Variants in FHIT observed in about 807,000 individuals in gnomAD.
FHIT encodes the protein bis(5'-adenosyl)-triphosphatase.
FHIT carries 19 observed loss-of-function variants against 17.9 expected under a neutral mutation model. That is an observed-to-expected ratio of 1.06 (90% CI 0.74 to 1.56). The LOEUF (loss-of-function observed/expected upper bound fraction) is 1.56. Among genes scored for constraint, FHIT ranks in the 40% most tolerant of loss-of-function variants. The pLI, the probability that FHIT is intolerant of heterozygous loss-of-function variation, is 0.00. For synonymous variants in FHIT, 81 were observed against 69.7 expected (o/e 1.16, Z -0.81); for missense variants, 248 against 189.2 (o/e 1.31, Z -1.82).
chr3:61,068,187 G>T lies in FHIT; in HGVS notation c.-163-26088C>A, dbSNP rs578167519. On this transcript the variant is annotated intron_variant, in intron 2 of 9. Transcript: ENST00000492590. ...AAATTCATTATCTTACTATTCTGTG[G>T]GTCAGAAGTCTGACACAACTCGCAC... 7.4e-4 allele frequency among the ~76,000 whole-genome samples: 112 copies of T among 152,228 alleles called. 3 individuals carry two copies. The South Asian group carries it at 0.023, about 31-fold the overall frequency.
intron 4 of FHIT, among the ~76,000 whole-genome samples, chr3:60,595,687 T>C (rs1395886589): frequency 6.6e-6 from 1 of 151,898 alleles, no homozygotes; most frequent in Non-Finnish European, 1.5e-5. Flanking sequence ...GTGTCACTCC[T>C]GTTGCCAGTG....
At chr3:60,472,528 C>T (rs1056880861) in intron 5 of FHIT, among the ~76,000 whole-genome samples, 5 of 152,038 alleles carry the variant, frequency 3.3e-5, no homozygotes, top group Admixed American at 6.5e-5. Context: ...GCCACCTCGC[C>T]GGGCTAATTT....
chr3:60,113,772 C>T (rs767250593), intron 5 of FHIT, among the ~76,000 whole-genome samples: 7 of 150,284 alleles, frequency 4.7e-5, no homozygotes, highest in Non-Finnish European at 5.9e-5. Flanking sequence ...GAGGCCGAGG[C>T]GAGCGGATCA....
chr3:60,838,121 G>C (rs551374291), intron 3 of FHIT, among the ~76,000 whole-genome samples: 4 of 152,110 alleles, frequency 2.6e-5, no homozygotes, highest in African/African-American at 9.6e-5. Flanking sequence ...TTCTTTCGAG[G>C]CAGAGTCTCA....
At chr3:61,131,673 A>C (rs1044364474) in intron 2 of FHIT, among the ~76,000 whole-genome samples, 1 of 152,232 alleles carries the variant, frequency 6.6e-6, no homozygotes, top group East Asian at 1.9e-4. Context: ...ACAGACCAGA[A>C]CATGAGCCCA....
intron 4 of FHIT, among the ~76,000 whole-genome samples, chr3:60,809,996 G>A (rs1553735603): frequency 6.6e-6 from 1 of 152,166 alleles, no homozygotes; most frequent in East Asian, 1.9e-4. Flanking sequence ...GGGCATTTCT[G>A]TCAGAAAGGA....
intron 4 of FHIT, among the ~76,000 whole-genome samples, chr3:60,715,104 A>G (rs2041647413): frequency 6.6e-6 from 1 of 152,146 alleles, no homozygotes; most frequent in South Asian, 2.1e-4. Flanking sequence ...TCAATGGAAC[A>G]GAACAGAGCC....
At chr3:60,924,600 G>C (rs868961158) in intron 3 of FHIT, among the ~76,000 whole-genome samples, 1 of 152,114 alleles carries the variant, frequency 6.6e-6, no homozygotes, top group African/African-American at 2.4e-5. Flanking sequence ...AAACCACAAA[G>C]ATGGGGAAAA....
chr3:60,426,067 T>G (rs1171542351), intron 5 of FHIT, among the ~76,000 whole-genome samples: 1 of 152,168 alleles, frequency 6.6e-6, no homozygotes, highest in Admixed American at 6.5e-5. Flanking sequence ...GCATTTGTAT[T>G]AATGCAATGG....
At chr3:60,118,773 G>A (rs1705100879) in intron 5 of FHIT, among the ~76,000 whole-genome samples, 1 of 106,564 alleles carries the variant, frequency 9.4e-6, no homozygotes, top group South Asian at 4.5e-4. Flanking sequence ...GGTGGGGGCG[G>A]CGGGGGGGGG....
intron 5 of FHIT, among the ~76,000 whole-genome samples, chr3:60,185,362 A>T (rs184727754): frequency 6.6e-5 from 10 of 152,302 alleles, no homozygotes; most frequent in Non-Finnish European, 1.3e-4. Flanking sequence ...AAGTTAATAA[A>T]GTTGCATCAT....
chr3:60,574,190 C>G lies in FHIT; in HGVS notation c.-17-37211G>C, dbSNP rs919612792. On this transcript the variant is annotated intron_variant, in intron 4 of 9. Transcript: ENST00000492590. ...AGCAGCTATGGGAGCTACAAAGAGC[C>G]AGGAGTTTGGAAGCTTTTCAAGACA... Among the ~76,000 whole-genome samples the G allele has an allele frequency of 6.6e-5, 10 of 152,056 alleles. 1 individual carries two copies. Among genetic ancestry groups the G allele is most frequent in the Admixed American group, 5.9e-4 (9 of 15,260 alleles).
At chr3:60,961,703 T>G (rs1709455590) in intron 3 of FHIT, among the ~76,000 whole-genome samples, 1 of 152,196 alleles carries the variant, frequency 6.6e-6, no homozygotes, top group African/African-American at 2.4e-5. Context: ...CCCCATTTCT[T>G]GTGTTTGTCA....
chr3:61,223,615 A>C (rs1393410314), intron 1 of FHIT, among the ~76,000 whole-genome samples: 4 of 152,242 alleles, frequency 2.6e-5, no homozygotes, highest in Non-Finnish European at 5.9e-5. Context: ...AGTACACAAG[A>C]GTTGGAACTG....
intron 4 of FHIT, among the ~76,000 whole-genome samples, chr3:60,562,033 C>T (rs1032018151): frequency 2.6e-5 from 4 of 152,022 alleles, no homozygotes; most frequent in Admixed American, 6.6e-5. Flanking sequence ...AGTTATTACC[C>T]GAAAACATGC....
intron 5 of FHIT, among the ~76,000 whole-genome samples, chr3:60,407,643 T>C (rs1003689411): frequency 9.2e-5 from 14 of 152,102 alleles, no homozygotes; most frequent in Non-Finnish European, 1.6e-4. Context: ...GCCTCCCAAA[T>C]AGCTGGGATT....
intron 4 of FHIT, among the ~76,000 whole-genome samples, chr3:60,660,729 C>CTTTTTTTT: frequency 0.11 from 4,177 of 36,884 alleles, 1,161 homozygotes; most frequent in East Asian, 0.51. Context: ...TTATTGTGCT[C>CTTTTTTTT]TTTTTTTTTT....
chr3:60,273,138 G>A (rs901085450), intron 5 of FHIT, among the ~76,000 whole-genome samples: 9 of 152,284 alleles, frequency 5.9e-5, no homozygotes, highest in African/African-American at 1.9e-4. Flanking sequence ...TGCTTAGACA[G>A]GAAATTTTAT....
intron 7 of FHIT, among the ~76,000 whole-genome samples, chr3:60,009,410 G>A (rs1199777338): frequency 6.6e-6 from 1 of 152,034 alleles, no homozygotes; most frequent in Non-Finnish European, 1.5e-5. Flanking sequence ...AATAATCAGG[G>A]TGATGATAAC....
Sources: gnomAD v4.1 joint callset for allele counts (sites outside exome capture counted in the v4.1 genomes callset) on GRCh38, gnomAD v4.1.1 for gene constraint, MANE v1.5 for transcripts, NCBI Gene and HGNC (gene_info 2026-07-23, HGNC 2026-07-21) for gene names.